The following VPS8 variants were observed in gnomAD, a reference collection of about 807,000 sequenced individuals.
VPS8 encodes vacuolar protein sorting-associated protein 8 homolog.
VPS8 carries 129 observed loss-of-function variants against 216.4 expected under a neutral mutation model. That is an observed-to-expected ratio of 0.60 (90% confidence interval 0.52 to 0.69). VPS8 has a LOEUF of 0.69. Ranked by LOEUF, VPS8 falls within the 30% of genes least tolerant of loss-of-function variation. VPS8 has a pLI of 0.00. For synonymous variants in VPS8, 571 were observed against 565.4 expected, an observed-to-expected ratio of 1.01 and a Z score of -0.14; for missense variants, 1,531 against 1,683.5, an observed-to-expected ratio of 0.91 and a Z score of 1.59.
intron 37 of VPS8, among the ~76,000 whole-genome samples, chr3:184,960,043 G>A (rs1417715102): frequency 4.0e-5 from 6 of 151,436 alleles, no homozygotes; most frequent in Admixed American, 2.6e-4. Context: ...CTGTGTCCAA[G>A]TGTTCTCATT....
intron 17 of VPS8, among the ~76,000 whole-genome samples, chr3:184,867,735 A>G (rs547805688): frequency 2.0e-4 from 31 of 152,218 alleles, no homozygotes; most frequent in Admixed American, 5.2e-4. Flanking sequence ...AATCTCAGCT[A>G]CTCGAGAAGC....
intron 7 of VPS8, 96 bp downstream of exon 7, chr3:184,839,848 T>C (rs77190585): frequency 0.015 from 22,198 of 1,466,060 alleles, 207 homozygotes; most frequent in Non-Finnish European, 0.017. Context: ...TACTTGATTT[T>C]CTTGAACAAA....
chr3:184,991,643 A>G (rs1447313433), intron 42 of VPS8, among the ~76,000 whole-genome samples: 1 of 152,134 alleles, frequency 6.6e-6, no homozygotes, highest in Non-Finnish European at 1.5e-5. Flanking sequence ...ATTATAGTAA[A>G]TATTATAATA....
At chr3:184,983,148 T>C in intron 42 of VPS8, 54 bp downstream of exon 42, 1 of 1,420,000 alleles carries the variant, frequency 7.0e-7, no homozygotes, top group Non-Finnish European at 9.5e-7. Flanking sequence ...ATTTTAGTTA[T>C]ATATAAATAA....
chr3:185,035,482 A>G (rs895666785), intron 46 of VPS8, among the ~76,000 whole-genome samples: 1 of 152,218 alleles, frequency 6.6e-6, no homozygotes, highest in Non-Finnish European at 1.5e-5. Flanking sequence ...GTGATTCAGC[A>G]CATAAACAGA....
chr3:184,860,421 ATGTATATATGTG>A (rs1463494087), intron 15 of VPS8, among the ~76,000 whole-genome samples: 2 of 151,098 alleles, frequency 1.3e-5, no homozygotes, highest in East Asian at 3.9e-4. Flanking sequence ...ATGTATATAT[ATGTATATATGTG>A]TGTATATATA....
At position 184,885,007 on chromosome 3, in the gene VPS8, C is replaced by G. The variant is rs1001414219; in HGVS notation, c.1735-1103C>G. 2.0e-5 allele frequency among the ~76,000 whole-genome samples: 3 copies of G among 152,196 alleles called. No homozygotes were observed. The South Asian group carries it at 6.2e-4, about 31-fold the overall frequency. On this transcript the variant is annotated intron_variant, in intron 21 of 47. Transcript: ENST00000625842. ...GATTTGCTGTAGCTCTAACACTTTT[C>G]AAATCTATCATTTTACCTCCTGTTT... is the stretch of plus-strand genomic sequence containing the variant.
chr3:184,850,153 A>G, intron 10 of VPS8, 131 bp downstream of exon 10: 1 of 687,658 alleles, frequency 1.5e-6, no homozygotes, highest in South Asian at 2.1e-5. Context: ...ATTACCTTAT[A>G]AATAGAATCC....
At chr3:184,814,754 A>C (rs1715939870) in intron 1 of VPS8, among the ~76,000 whole-genome samples, 1 of 152,228 alleles carries the variant, frequency 6.6e-6, no homozygotes, top group Admixed American at 6.5e-5. Flanking sequence ...ACACTACTGT[A>C]GACTTTTTGA....
intron 8 of VPS8, among the ~76,000 whole-genome samples, chr3:184,844,492 A>G (rs1297986480): frequency 1.3e-5 from 2 of 152,142 alleles, no homozygotes; most frequent in East Asian, 1.9e-4. Context: ...TTGGCCAATA[A>G]AGGTAGAGTT....
chr3:185,040,394 A>T (rs756824382), intron 46 of VPS8, among the ~76,000 whole-genome samples: 2 of 152,162 alleles, frequency 1.3e-5, no homozygotes, highest in African/African-American at 4.8e-5. Flanking sequence ...GGTGATGCCA[A>T]TTGATCCTGG....
rs1303572043 is a variant in VPS8, at chr3:184,848,530, T to C, written c.542-541T>C. Among the ~76,000 whole-genome samples, 5 of 151,670 alleles carry C rather than the reference T, an allele frequency of 3.3e-5. No individual in the cohort carries two copies. In the East Asian group the frequency reaches 9.7e-4, roughly 29 times the overall value. On this transcript the variant is annotated intron_variant, in intron 8 of 47. Coordinates refer to ENST00000625842, the MANE Select transcript of VPS8 (RefSeq NM_001009921.3). ...GGCTTATCATTAGCATTTTTTATTA[T>C]GCTTCCTTGTAGATCTTTTTTTTTT... is the stretch of plus-strand genomic sequence containing the variant.
chr3:184,879,056 A>G (rs1159545287), intron 21 of VPS8, among the ~76,000 whole-genome samples: 2 of 152,256 alleles, frequency 1.3e-5, no homozygotes, highest in Non-Finnish European at 2.9e-5. Flanking sequence ...CCAAAAAGCA[A>G]AGGAATCTGC....
At chr3:184,919,065 A>G (rs1188670230) in intron 28 of VPS8, 3 of 152,234 alleles carry the variant, frequency 2.0e-5, no homozygotes, top group Non-Finnish European at 2.9e-5. Flanking sequence ...TGTGCATCAA[A>G]CAGGAGAAGG....
intron 1 of VPS8, among the ~76,000 whole-genome samples, chr3:184,818,228 CTG>C (rs1716766530): frequency 6.6e-6 from 1 of 152,112 alleles, no homozygotes; most frequent in Admixed American, 6.5e-5. Flanking sequence ...CATTGGGAAT[CTG>C]TTAAAAATAA....
intron 21 of VPS8, among the ~76,000 whole-genome samples, chr3:184,879,732 G>T (rs1729948696): frequency 6.6e-6 from 1 of 152,166 alleles, no homozygotes; most frequent in Admixed American, 6.5e-5. Context: ...GCAACTCTGT[G>T]AGGATTCTGT....
Position 184,996,328 on chromosome 3 carries a change from A to G in VPS8, c.3667-4A>G, listed in dbSNP as rs1179892379. The G allele has an allele frequency of 6.2e-7, 1 of 1,608,064 alleles. No individual in the cohort carries two copies. The highest frequency in any genetic ancestry group is 8.5e-7 in the Non-Finnish European group (1 of 1,177,572). The stretch of plus-strand genomic sequence containing the variant: ...TGTTTGTTTTTTGTTTTGGTGTTTC[A>G]TAGACCCTGCTGGAAACAACAACCA... On this transcript the variant is annotated splice_polypyrimidine_tract_variant and splice_region_variant and intron_variant, in intron 43 of 47. Transcript: ENST00000625842.
chr3:184,814,834 G>T (rs1289041359), intron 1 of VPS8, among the ~76,000 whole-genome samples: 1 of 151,960 alleles, frequency 6.6e-6, no homozygotes, highest in Non-Finnish European at 1.5e-5. Context: ...ATTAACCTTA[G>T]CTTACTGTAA....
chr3:184,918,577 A>G (rs1054662750), intron 28 of VPS8, among the ~76,000 whole-genome samples: 9 of 152,208 alleles, frequency 5.9e-5, no homozygotes, highest in Non-Finnish European at 1.3e-4. Flanking sequence ...CCACTTAATT[A>G]TGTTCACAGA....
Sources: allele counts gnomAD v4.1 joint callset (sites outside exome capture counted in the v4.1 genomes callset), GRCh38; gene constraint gnomAD v4.1.1; transcripts MANE v1.5; gene names NCBI Gene and HGNC (gene_info 2026-07-23, HGNC 2026-07-21).